TJP2: variants seen among roughly 807,000 people sequenced by gnomAD.
The protein encoded by TJP2 is tight junction protein 2.
In TJP2, 91 loss-of-function variants were observed where a neutral mutation model predicts 133.1. The observed-to-expected ratio is 0.68, with a 90% CI of 0.58 to 0.81. The LOEUF is 0.81. Ranked by LOEUF, TJP2 falls within the 40% of genes least tolerant of loss-of-function variation. The pLI is 0.00. For missense variants in TJP2, 1,541 were observed against 1,565.6 expected (o/e 0.98, Z 0.26); for synonymous variants, 592 against 583.4 (o/e 1.01, Z -0.21).
At chr9:69,190,552 A>G (rs1000980851) in intron 1 of TJP2, among the ~76,000 whole-genome samples, 2 of 152,194 alleles carry the variant, frequency 1.3e-5, no homozygotes, top group Non-Finnish European at 2.9e-5. Context: ...AAATAACCCA[A>G]TAAAAACACT....
intron 1 of TJP2, among the ~76,000 whole-genome samples, chr9:69,130,027 A>G (rs1487963210): frequency 1.6e-4 from 24 of 151,554 alleles, no homozygotes; most frequent in Admixed American, 1.5e-3. Flanking sequence ...AAAAAAAAAA[A>G]AAAAAGAAAA....
intron 9 of TJP2, among the ~76,000 whole-genome samples, chr9:69,228,703 TC>T (rs1025825728): frequency 6.6e-6 from 1 of 152,196 alleles, no homozygotes; most frequent in Non-Finnish European, 1.5e-5. Flanking sequence ...GGCCTTCCTT[TC>T]TCTCTTTTGA....
At chr9:69,208,782 T>A (rs1827629878) in intron 1 of TJP2, among the ~76,000 whole-genome samples, 1 of 152,172 alleles carries the variant, frequency 6.6e-6, no homozygotes, top group Non-Finnish European at 1.5e-5. Flanking sequence ...TTTTTCCTGA[T>A]AATTTTAAAG....
intron 5 of TJP2, among the ~76,000 whole-genome samples, chr9:69,223,550 G>A (rs1247405949): frequency 2.0e-5 from 3 of 152,126 alleles, no homozygotes; most frequent in Admixed American, 6.5e-5. Flanking sequence ...CTCATGATCC[G>A]CCCACCTCAG....
At chr9:69,138,199 C>T (rs373371128) in intron 1 of TJP2, among the ~76,000 whole-genome samples, 1 of 152,148 alleles carries the variant, frequency 6.6e-6, no homozygotes, top group African/African-American at 2.4e-5. Flanking sequence ...GTCTGGAGGT[C>T]CCATGTCTTT....
chr9:69,242,946 C>A (rs531576814), intron 17 of TJP2, among the ~76,000 whole-genome samples: 5 of 152,184 alleles, frequency 3.3e-5, no homozygotes, highest in African/African-American at 1.2e-4. Context: ...TCACTGCAAC[C>A]TCTGCTTCCT....
At chr9:69,228,856 A>C (rs1829548610) in intron 9 of TJP2, among the ~76,000 whole-genome samples, 1 of 152,148 alleles carries the variant, frequency 6.6e-6, no homozygotes, top group African/African-American at 2.4e-5. Flanking sequence ...ACCACCCTAC[A>C]ATTATCATCA....
At chr9:69,228,529 CAT>C (rs1440256454) in intron 9 of TJP2, among the ~76,000 whole-genome samples, 1 of 152,032 alleles carries the variant, frequency 6.6e-6, no homozygotes, top group African/African-American at 2.4e-5. Context: ...AAATTATACA[CAT>C]ATATGTAAAT....
chr9:69,224,245 C>T (rs1829144493), intron 5 of TJP2, among the ~76,000 whole-genome samples: 1 of 152,186 alleles, frequency 6.6e-6, no homozygotes, highest in South Asian at 2.1e-4. Flanking sequence ...CCACTGAATT[C>T]CTTTCAATGC....
chr9:69,196,974 CACAT>C (rs1266878424), intron 1 of TJP2, among the ~76,000 whole-genome samples: 5 of 150,670 alleles, frequency 3.3e-5, no homozygotes, highest in African/African-American at 4.9e-5. Context: ...CACACACACA[CACAT>C]GTTTTCTGGA....
chr9:69,128,518 T>G (rs1822348258), intron 1 of TJP2, among the ~76,000 whole-genome samples: 1 of 127,636 alleles, frequency 7.8e-6, no homozygotes, highest in African/African-American at 3.1e-5. Context: ...ATGTGCTTAT[T>G]AGACCATTTT....
rs536934900 is a variant in TJP2, at chr9:69,254,499, G to A, written c.*125G>A. 13 of 1,269,786 alleles carry A rather than the reference G, an allele frequency of 1.0e-5. No individual in the cohort carries two copies. Among genetic ancestry groups the A allele is most frequent in the African/African-American group, 1.5e-5 (1 of 68,260 alleles). The allele number at this position is 1,269,786 out of a possible 1,614,324, so 78.7% of individuals were successfully genotyped here. A position where few individuals can be genotyped will look rare whatever the true frequency, so the allele number is the denominator to read the frequency against. ...TGGAGACGTGGTGGGACTCCAGCTCGTGTGTCCTCATGGAGAACCCAGGGG... is the reference window on the plus strand; with the variant it reads ...TGGAGACGTGGTGGGACTCCAGCTCATGTGTCCTCATGGAGAACCCAGGGG... On this transcript the variant is annotated 3_prime_UTR_variant, in exon 23 of 23. Coordinates refer to ENST00000377245, the MANE Select transcript of TJP2 (RefSeq NM_004817.4).
upstream of TJP2, among the ~76,000 whole-genome samples, chr9:69,171,553 T>TA (rs1824681773): frequency 6.6e-6 from 1 of 152,176 alleles, no homozygotes; most frequent in Non-Finnish European, 1.5e-5. Flanking sequence ...CTTTGTGTCT[T>TA]AAAAACTCAT....
chr9:69,207,422 T>C (rs1327063476), intron 1 of TJP2, among the ~76,000 whole-genome samples: 1 of 152,168 alleles, frequency 6.6e-6, no homozygotes, highest in African/African-American at 2.4e-5. Flanking sequence ...AACATTGTAT[T>C]TTAATAATGT....
At chr9:69,148,889 C>A (rs1035205086) in intron 1 of TJP2, among the ~76,000 whole-genome samples, 1 of 152,156 alleles carries the variant, frequency 6.6e-6, no homozygotes, top group East Asian at 1.9e-4. Context: ...AGTGCTAACT[C>A]GGTTTCAGTA....
At chr9:69,128,680 G>A (rs989518272) in intron 1 of TJP2, among the ~76,000 whole-genome samples, 11 of 151,880 alleles carry the variant, frequency 7.2e-5, no homozygotes, top group African/African-American at 2.7e-4. Context: ...CCAACACCAC[G>A]CCCGGCTAAT....
chr9:69,164,758 T>C (rs1699243291), intron 2 of TJP2, among the ~76,000 whole-genome samples: 1 of 152,142 alleles, frequency 6.6e-6, no homozygotes, highest in African/African-American at 2.4e-5. Flanking sequence ...TTTTACTGGG[T>C]AGAGGCAAAG....
rs554924039 is a variant in TJP2, at chr9:69,221,234, G to A, written c.690G>A (p.Gly230=). 5 of 1,606,448 alleles carry A rather than the reference G, an allele frequency of 3.1e-6. No individual in the cohort carries two copies. Among genetic ancestry groups the A allele is most frequent in the Non-Finnish European group, 4.2e-6 (5 of 1,176,892 alleles). The change falls in exon 5 of 23, where the codon GGG becomes GGA. Residue 230 remains glycine (G), a synonymous_variant. Coordinates refer to ENST00000377245, the MANE Select transcript of TJP2 (RefSeq NM_004817.4). Reference sequence around the variant, plus strand: ...AGCGGGGCCTGGACCACGACTTTGGGCCATCCCGGGACCGGGACCGTGACC... The same window carrying A: ...AGCGGGGCCTGGACCACGACTTTGGACCATCCCGGGACCGGGACCGTGACC... ...SLERGLDHDF[G]PSRDRDRDRS... is the part of the protein sequence containing the mutation.
chr9:69,191,400 A>G (rs529894405), intron 1 of TJP2, among the ~76,000 whole-genome samples: 3 of 152,324 alleles, frequency 2.0e-5, no homozygotes, highest in Admixed American at 2.0e-4. Context: ...GTTGTTGACT[A>G]TTTCAGTTCC....
Sources: gnomAD v4.1 joint callset for allele counts (sites outside exome capture counted in the v4.1 genomes callset) on GRCh38, gnomAD v4.1.1 for gene constraint, MANE v1.5 for transcripts, NCBI Gene and HGNC (gene_info 2026-07-23, HGNC 2026-07-21) for gene names.